ASIC2: variants seen among roughly 807,000 people sequenced by gnomAD.
ASIC2 encodes the protein acid-sensing ion channel 2.
A neutral mutation model predicts 57.3 loss-of-function variants in ASIC2; 25 were observed. That is an observed-to-expected ratio of 0.44 (90% confidence interval 0.32 to 0.61). The LOEUF (loss-of-function observed/expected upper bound fraction) is 0.61, where lower values mean the gene tolerates loss of function less well. Among genes scored for constraint, ASIC2 ranks in the 20% least tolerant of loss-of-function variants. The pLI, the probability that ASIC2 is intolerant of heterozygous loss-of-function variation, is 0.06. For missense variants in ASIC2, 641 were observed against 738.1 expected (o/e 0.87, Z 1.52); for synonymous variants, 319 against 307.5 (o/e 1.04, Z -0.39).
intron 1 of ASIC2, among the ~76,000 whole-genome samples, chr17:33,118,495 A>G (rs1222939173): frequency 6.6e-6 from 1 of 152,150 alleles, no homozygotes; most frequent in Non-Finnish European, 1.5e-5. Flanking sequence ...CCTCATAGCC[A>G]CGGCTCATAT....
intron 1 of ASIC2, among the ~76,000 whole-genome samples, chr17:33,123,202 G>A (rs2092309843): frequency 6.6e-6 from 1 of 152,166 alleles, no homozygotes; most frequent in Non-Finnish European, 1.5e-5. Context: ...CACTTTCCTT[G>A]AAGCACTATT....
intron 1 of ASIC2, among the ~76,000 whole-genome samples, chr17:33,818,380 C>T (rs1912649654): frequency 6.6e-6 from 1 of 152,172 alleles, no homozygotes; most frequent in Non-Finnish European, 1.5e-5. Context: ...CTCATAGCAA[C>T]TCTGCGAAGT....
At chr17:33,332,655 C>A (rs1468130891) in intron 1 of ASIC2, among the ~76,000 whole-genome samples, 6 of 152,160 alleles carry the variant, frequency 3.9e-5, no homozygotes, top group Admixed American at 3.9e-4. Context: ...CTTTGGGAGG[C>A]TGAGGCAGGT....
chr17:33,850,049 C>T (rs317399), intron 1 of ASIC2, among the ~76,000 whole-genome samples: 46,092 of 152,030 alleles, frequency 0.3, 7,355 homozygotes, highest in East Asian at 0.49. Flanking sequence ...AAACACATCC[C>T]GAAAGACATG....
At chr17:33,743,100 G>T (rs1334654870) in intron 1 of ASIC2, among the ~76,000 whole-genome samples, 1 of 152,150 alleles carries the variant, frequency 6.6e-6, no homozygotes, top group African/African-American at 2.4e-5. Flanking sequence ...AATAATCCTG[G>T]ACTTAGGAAT....
chr17:33,871,765 G>T (rs960773076), intron 1 of ASIC2, among the ~76,000 whole-genome samples: 2 of 152,140 alleles, frequency 1.3e-5, no homozygotes, highest in African/African-American at 4.8e-5. Context: ...GATGAATTAT[G>T]TATGGCTGGA....
intron 8 of ASIC2, among the ~76,000 whole-genome samples, chr17:33,016,896 G>C (rs1442726461): frequency 6.6e-6 from 1 of 152,186 alleles, no homozygotes; most frequent in African/African-American, 2.4e-5. Flanking sequence ...GGCCTCCAAG[G>C]GAACACCCGT....
chr17:34,023,051 C>T (rs559602348), intron 1 of ASIC2, among the ~76,000 whole-genome samples: 1 of 152,262 alleles, frequency 6.6e-6, no homozygotes, highest in South Asian at 2.1e-4. Context: ...CTTGTAAGTT[C>T]CCTGAGGACT....
intron 1 of ASIC2, among the ~76,000 whole-genome samples, chr17:33,552,959 C>T (rs1470365045): frequency 6.6e-6 from 1 of 152,186 alleles, no homozygotes; most frequent in Non-Finnish European, 1.5e-5. Context: ...TCTTCTCCCT[C>T]CCAACTGAAC....
At chr17:33,205,973 A>G (rs1266438210) in intron 1 of ASIC2, among the ~76,000 whole-genome samples, 2 of 152,194 alleles carry the variant, frequency 1.3e-5, no homozygotes, top group Non-Finnish European at 2.9e-5. Context: ...CAGAAAGCTC[A>G]ACACTAAATT....
At chr17:34,135,983 A>C (rs1912117097) in intron 1 of ASIC2, among the ~76,000 whole-genome samples, 1 of 152,106 alleles carries the variant, frequency 6.6e-6, no homozygotes, top group Non-Finnish European at 1.5e-5. Context: ...CACCAACTGA[A>C]TGGAGCCCTC....
At chr17:33,234,497 C>T (rs116938646) in intron 1 of ASIC2, among the ~76,000 whole-genome samples, 3,966 of 152,302 alleles carry the variant, frequency 0.026, 59 homozygotes, top group Non-Finnish European at 0.042. Context: ...AGGCACTCAT[C>T]TCCTTCATCT....
At chr17:33,685,996 G>A in intron 1 of ASIC2, among the ~76,000 whole-genome samples, 1 of 152,138 alleles carries the variant, frequency 6.6e-6, no homozygotes, top group Non-Finnish European at 1.5e-5. Context: ...TTGGGAATCG[G>A]CCTCCTGCAT....
At chr17:34,112,526 A>C (rs1911307480) in intron 1 of ASIC2, among the ~76,000 whole-genome samples, 1 of 151,952 alleles carries the variant, frequency 6.6e-6, no homozygotes, top group African/African-American at 2.4e-5. Context: ...CAGCCAAGGG[A>C]GATGGCTAAG....
At chr17:33,608,006 A>G (rs1399723683) in intron 1 of ASIC2, among the ~76,000 whole-genome samples, 6 of 152,180 alleles carry the variant, frequency 3.9e-5, no homozygotes, top group Non-Finnish European at 7.3e-5. Flanking sequence ...GACAAGAGGA[A>G]TGGGGCTTAC....
At chr17:33,450,715 T>C (rs1242164097) in intron 1 of ASIC2, among the ~76,000 whole-genome samples, 1 of 152,226 alleles carries the variant, frequency 6.6e-6, no homozygotes. Flanking sequence ...AGAAAGAGAC[T>C]GCCTCCATGA....
intron 1 of ASIC2, among the ~76,000 whole-genome samples, chr17:33,677,026 C>G (rs905151085): frequency 1.3e-5 from 2 of 152,240 alleles, no homozygotes; most frequent in East Asian, 3.9e-4. Context: ...GCTTCCCCTT[C>G]CACTGTGAGT....
At chr17:33,605,181 G>T (rs1434596) in intron 1 of ASIC2, among the ~76,000 whole-genome samples, 20,930 of 152,220 alleles carry the variant, frequency 0.14, 1,630 homozygotes, top group Non-Finnish European at 0.17. Flanking sequence ...ATCTTACGTT[G>T]GGCAAGTGAT....
chr17:34,138,074 G>A (rs931094414), intron 1 of ASIC2, among the ~76,000 whole-genome samples: 7 of 152,284 alleles, frequency 4.6e-5, no homozygotes, highest in South Asian at 4.2e-4. Context: ...AGAAGAATAC[G>A]AAACTAACTC....
Sources: allele counts gnomAD v4.1 joint callset (sites outside exome capture counted in the v4.1 genomes callset), GRCh38; gene constraint gnomAD v4.1.1; transcripts MANE v1.5; gene names NCBI Gene and HGNC (gene_info 2026-07-23, HGNC 2026-07-21).